DRC8: variants seen among roughly 807,000 people sequenced by gnomAD.
DRC8 encodes the protein dynein regulatory complex subunit 8.
chr1:245,122,785 G>A, the DRC8 span: 1 of 152,200 alleles, frequency 6.6e-6, no homozygotes, highest in Non-Finnish European at 1.5e-5. Flanking sequence ...ATTCAAGTGT[G>A]CAATTCAATG....
At chr1:245,066,800 G>A in the DRC8 span, among the ~76,000 whole-genome samples, 2 of 151,966 alleles carry the variant, frequency 1.3e-5, no homozygotes, top group African/African-American at 2.4e-5. Flanking sequence ...CCAGCTACTC[G>A]GGAGGCTGAG....
chr1:245,040,220 T>C, the DRC8 span, among the ~76,000 whole-genome samples: 2 of 152,176 alleles, frequency 1.3e-5, no homozygotes, highest in African/African-American at 4.8e-5. Context: ...TTAGAATTAC[T>C]TAGGCCTTTC....
the DRC8 span, among the ~76,000 whole-genome samples, chr1:245,059,903 G>A: frequency 3.9e-5 from 6 of 152,172 alleles, no homozygotes; most frequent in Non-Finnish European, 7.3e-5. Context: ...GTTTAAAAAC[G>A]AGTCATGTGT....
At chr1:245,106,873 G>A in the DRC8 span, among the ~76,000 whole-genome samples, 4 of 152,220 alleles carry the variant, frequency 2.6e-5, no homozygotes, top group African/African-American at 9.6e-5. Context: ...GCAAAACCCC[G>A]TCTCTACTAA....
chr1:244,993,008 T>C, the DRC8 span, among the ~76,000 whole-genome samples: 2 of 152,212 alleles, frequency 1.3e-5, no homozygotes, highest in African/African-American at 4.8e-5. Flanking sequence ...TCTTGACACA[T>C]GAGACTCTCT....
the DRC8 span, among the ~76,000 whole-genome samples, chr1:245,070,199 A>G: frequency 1.3e-5 from 2 of 152,258 alleles, no homozygotes. Flanking sequence ...AGGGACACCT[A>G]TACTAATATC....
the DRC8 span, among the ~76,000 whole-genome samples, chr1:244,995,466 T>C: frequency 2.6e-5 from 4 of 152,152 alleles, no homozygotes; most frequent in Admixed American, 2.6e-4. Context: ...TCAAGCGATT[T>C]TCCCACCTCA....
chr1:245,081,561 C>T, the DRC8 span, among the ~76,000 whole-genome samples: 3 of 151,958 alleles, frequency 2.0e-5, no homozygotes, highest in Admixed American at 6.6e-5. Context: ...CTCCATCTCC[C>T]GGGTTCAAGT....
chr1:245,106,819 C>T, the DRC8 span, among the ~76,000 whole-genome samples: 8 of 152,228 alleles, frequency 5.3e-5, no homozygotes, highest in South Asian at 1.4e-3. Context: ...CTGAGGCTGA[C>T]GGATCACCTG....
the DRC8 span, among the ~76,000 whole-genome samples, chr1:245,112,184 C>T: frequency 2.6e-5 from 4 of 152,238 alleles, no homozygotes; most frequent in Non-Finnish European, 5.9e-5. Context: ...AAGCGATGCT[C>T]CTGCCTCAGC....
the DRC8 span, chr1:245,124,124 CA>C: frequency 5.1e-6 from 1 of 196,274 alleles, no homozygotes; most frequent in Non-Finnish European, 1.1e-5. Context: ...TTGGAGATTC[CA>C]AAAGCTTTCA....
the DRC8 span, among the ~76,000 whole-genome samples, chr1:245,044,608 C>T: frequency 3.3e-5 from 5 of 151,640 alleles, no homozygotes; most frequent in Non-Finnish European, 7.4e-5. Context: ...GACGGAGTCT[C>T]GTTCTGTTGC....
At chr1:245,120,961 G>T in the DRC8 span, among the ~76,000 whole-genome samples, 1 of 152,242 alleles carries the variant, frequency 6.6e-6, no homozygotes, top group Admixed American at 6.5e-5. Context: ...GACAGGAATG[G>T]TGTTAAGCCA....
At chr1:245,044,315 G>C in the DRC8 span, among the ~76,000 whole-genome samples, 1 of 152,072 alleles carries the variant, frequency 6.6e-6, no homozygotes, top group African/African-American at 2.4e-5. Context: ...AAATAAAAAA[G>C]GATCCAAATC....
chr1:244,997,796 C>T, the DRC8 span, among the ~76,000 whole-genome samples: 4 of 152,086 alleles, frequency 2.6e-5, no homozygotes, highest in Non-Finnish European at 5.9e-5. Context: ...CCGCCCACCT[C>T]GGCCTCCCAA....
chr1:245,015,855 A>C, the DRC8 span: 1 of 161,254 alleles, frequency 6.2e-6, no homozygotes, highest in South Asian at 1.6e-4. Flanking sequence ...CCTTTTCATA[A>C]TAGCCAAAGT....
the DRC8 span, among the ~76,000 whole-genome samples, chr1:245,065,383 C>T: frequency 6.6e-6 from 1 of 152,194 alleles, no homozygotes; most frequent in East Asian, 1.9e-4. Flanking sequence ...TATTTTCCAT[C>T]TCTGTCTCTG....
At chr1:245,119,969 T>TAAAA in the DRC8 span, among the ~76,000 whole-genome samples, 2 of 150,620 alleles carry the variant, frequency 1.3e-5, no homozygotes, top group African/African-American at 4.9e-5. Flanking sequence ...AGTAAATAAA[T>TAAAA]AAAAGAGCAA....
the DRC8 span, among the ~76,000 whole-genome samples, chr1:245,025,579 A>G: frequency 2.6e-5 from 4 of 152,300 alleles, no homozygotes; most frequent in East Asian, 5.8e-4. Context: ...AAAAGTGCCA[A>G]TCTTTCCCCT....
Sources: allele counts gnomAD v4.1 joint callset (sites outside exome capture counted in the v4.1 genomes callset), GRCh38; gene constraint gnomAD v4.1.1; transcripts MANE v1.5; gene names NCBI Gene and HGNC (gene_info 2026-07-23, HGNC 2026-07-21).